Variants in NRG4 observed in about 807,000 individuals in gnomAD.
The protein encoded by NRG4 is pro-neuregulin-4, membrane-bound isoform.
In NRG4, 10 loss-of-function variants were observed where a neutral mutation model predicts 15.0. The ratio of observed to expected loss-of-function variants is 0.67; its 90% CI spans 0.41 to 1.13. The LOEUF (loss-of-function observed/expected upper bound fraction) is 1.13. Ranked by LOEUF, NRG4 falls within the 50% of genes most tolerant of loss-of-function variation. The pLI, the probability that NRG4 is intolerant of heterozygous loss-of-function variation, is 0.00. For missense variants in NRG4, 139 were observed against 140.2 expected (o/e 0.99, Z 0.04); for synonymous variants, 41 against 50.1 (o/e 0.82, Z 0.77).
intron 3 of NRG4, among the ~76,000 whole-genome samples, chr15:75,964,602 G>C (rs988688847): frequency 6.6e-6 from 1 of 152,146 alleles, no homozygotes; most frequent in African/African-American, 2.4e-5. Flanking sequence ...TCATTACTCA[G>C]ATTTCTTAAG....
At chr15:76,056,280 T>C (rs980734766) in intron 2 of NRG4, among the ~76,000 whole-genome samples, 3 of 151,578 alleles carry the variant, frequency 2.0e-5, no homozygotes, top group Admixed American at 1.3e-4. Flanking sequence ...AAACCCCATC[T>C]CTACTTAAAG....
At chr15:76,031,009 T>C (rs1267639076) in intron 5 of NRG4, among the ~76,000 whole-genome samples, 1 of 152,184 alleles carries the variant, frequency 6.6e-6, no homozygotes, top group East Asian at 1.9e-4. Context: ...AATCTAGTGA[T>C]ATAGTAAAAG....
chr15:76,008,283 G>A lies in NRG4; in HGVS notation c.104+917C>T, dbSNP rs74024058. Among the ~76,000 whole-genome samples, 1,316 of 152,168 alleles carry A rather than the reference G, an allele frequency of 8.6e-3. 18 individuals are homozygous for A. The highest frequency in any genetic ancestry group is 0.03 in the African/African-American group (1,244 of 41,494). On this transcript the variant is annotated intron_variant, in intron 3 of 5. Transcript: ENST00000394907. ...AACACCTGGGCACTATTCCCCATAT[G>A]AGAAGCCCTAAAAACTTCTTGAGAT...
At chr15:76,037,917 C>T (rs1010429360) in intron 4 of NRG4, among the ~76,000 whole-genome samples, 16 of 152,080 alleles carry the variant, frequency 1.1e-4, no homozygotes, top group African/African-American at 3.6e-4. Flanking sequence ...CAGCCACAGT[C>T]GGATACAATA....
At chr15:75,971,723 T>C (rs976323704) in intron 3 of NRG4, among the ~76,000 whole-genome samples, 19 of 152,196 alleles carry the variant, frequency 1.2e-4, no homozygotes, top group Admixed American at 1.1e-3. Flanking sequence ...CTTCTAGTGC[T>C]TTAAAGGTGC....
chr15:76,040,552 T>G (rs946810928), intron 4 of NRG4, among the ~76,000 whole-genome samples: 1 of 152,218 alleles, frequency 6.6e-6, no homozygotes. Flanking sequence ...CAGAGACTTT[T>G]ATAACACTGA....
chr15:76,001,564 A>G (rs1319566203), intron 3 of NRG4, among the ~76,000 whole-genome samples: 2 of 152,178 alleles, frequency 1.3e-5, no homozygotes, highest in Admixed American at 6.5e-5. Context: ...GGACCACACA[A>G]GTATACAATG....
At chr15:75,979,324 T>C (rs957254577) in intron 3 of NRG4, among the ~76,000 whole-genome samples, 4 of 152,336 alleles carry the variant, frequency 2.6e-5, no homozygotes, top group African/African-American at 9.6e-5. Context: ...CCTGTGGTTA[T>C]ATCAGCAAAA....
At chr15:76,028,918 A>C (rs1049884700) in intron 5 of NRG4, among the ~76,000 whole-genome samples, 1 of 151,574 alleles carries the variant, frequency 6.6e-6, no homozygotes, top group Non-Finnish European at 1.5e-5. Flanking sequence ...AAAAAAAAAA[A>C]AAAAAAAAAC....
chr15:75,976,514 G>C (rs947466034), intron 3 of NRG4, among the ~76,000 whole-genome samples: 5 of 152,226 alleles, frequency 3.3e-5, no homozygotes, highest in African/African-American at 1.2e-4. Flanking sequence ...CCTTCGGCTG[G>C]GGTTTTTTTG....
intron 3 of NRG4, among the ~76,000 whole-genome samples, chr15:76,008,725 A>G (rs1278535100): frequency 6.6e-6 from 1 of 152,134 alleles, no homozygotes; most frequent in African/African-American, 2.4e-5. Context: ...ATTTGCTACC[A>G]CCATTAGAAA....
intron 3 of NRG4, among the ~76,000 whole-genome samples, chr15:75,975,753 T>C (rs1396850312): frequency 6.6e-6 from 1 of 152,164 alleles, no homozygotes; most frequent in Non-Finnish European, 1.5e-5. Context: ...TGTGGGTAGG[T>C]AACCCGACCT....
chr15:76,005,045 T>C (rs901603784), intron 3 of NRG4, among the ~76,000 whole-genome samples: 34 of 152,108 alleles, frequency 2.2e-4, no homozygotes, highest in African/African-American at 7.7e-4. Flanking sequence ...ATTCTTATAA[T>C]AAAGCAAACT....
chr15:76,038,444 G>A (rs1226326580), intron 4 of NRG4, among the ~76,000 whole-genome samples: 1 of 152,210 alleles, frequency 6.6e-6, no homozygotes. Context: ...GAGCCCTCAG[G>A]CCTTAAGTGA....
intron 4 of NRG4, among the ~76,000 whole-genome samples, chr15:76,043,646 A>T (rs761045042): frequency 6.6e-6 from 1 of 152,248 alleles, no homozygotes; most frequent in African/African-American, 2.4e-5. Context: ...AAAAGACACA[A>T]AAAATGGAAT....
At chr15:75,952,871 ATT>A (rs2031993116) in intron 5 of NRG4, among the ~76,000 whole-genome samples, 1 of 152,130 alleles carries the variant, frequency 6.6e-6, no homozygotes, top group Non-Finnish European at 1.5e-5. Flanking sequence ...AGTTGTAAAT[ATT>A]GTTTATATAT....
intron 3 of NRG4, among the ~76,000 whole-genome samples, chr15:76,008,308 T>G (rs931526874): frequency 6.6e-6 from 1 of 152,168 alleles, no homozygotes; most frequent in African/African-American, 2.4e-5. Context: ...CTTCTTGAGA[T>G]AATTGTGAGG....
At chr15:76,042,421 T>C (rs1216923064) in intron 4 of NRG4, among the ~76,000 whole-genome samples, 1 of 150,408 alleles carries the variant, frequency 6.6e-6, no homozygotes, top group Non-Finnish European at 1.5e-5. Context: ...TTAGCCAGAC[T>C]AAGAAAAAAG....
chr15:76,055,446 C>T (rs2036130224), intron 2 of NRG4, among the ~76,000 whole-genome samples: 1 of 152,174 alleles, frequency 6.6e-6, no homozygotes, highest in South Asian at 2.1e-4. Flanking sequence ...AATCACTGTG[C>T]TACCATTGTT....
Sources: allele counts gnomAD v4.1 joint callset (sites outside exome capture counted in the v4.1 genomes callset), GRCh38; gene constraint gnomAD v4.1.1; transcripts MANE v1.5; gene names NCBI Gene and HGNC (gene_info 2026-07-23, HGNC 2026-07-21).